Variants in LMO1 observed in about 807,000 individuals in gnomAD.
LMO1 encodes rhombotin-1.
LMO1 carries 10 observed loss-of-function variants against 18.0 expected under a neutral mutation model. The ratio of observed to expected loss-of-function variants is 0.55; its 90% CI spans 0.34 to 0.94. The LOEUF (loss-of-function observed/expected upper bound fraction) is 0.94, where lower values mean the gene tolerates loss of function less well. LMO1 is among the 40% of genes least tolerant of loss of function. LMO1 has a pLI of 0.02. For synonymous variants in LMO1, 77 were observed against 77.9 expected (o/e 0.99, Z 0.06); for missense variants, 183 against 205.7 (o/e 0.89, Z 0.68).
rs1339095792 is a variant in LMO1 at position 8,227,007 on chromosome 11, G to A, written c.333C>T (p.Leu111=). Residue 111 remains leucine, a synonymous_variant, in exon 3 of 4, where the codon CTC becomes CTT. Coordinates refer to ENST00000335790, the MANE Select transcript of LMO1 (RefSeq NM_002315.3). ...VMRARDNVYH[L]DCFACQLCNQ... ...TGCAGAGCTGGCAGGCGAAGCAGTC[G>A]AGGTGATACACGTTGTCCCGGGCCC... 7.4e-6 allele frequency: 12 copies of A among 1,613,592 alleles called. No individual in the cohort carries two copies. The highest frequency in any genetic ancestry group is 6.7e-5 in the East Asian group (3 of 44,886).
chr11:8,249,577 G>T (rs915958808), intron 1 of LMO1, among the ~76,000 whole-genome samples: 2 of 152,196 alleles, frequency 1.3e-5, no homozygotes, highest in Non-Finnish European at 2.9e-5. Context: ...GCATCATGCA[G>T]TATGCCCATG....
chr11:8,242,874 C>G (rs1017830007), intron 1 of LMO1, among the ~76,000 whole-genome samples: 1 of 152,240 alleles, frequency 6.6e-6, no homozygotes, highest in Non-Finnish European at 1.5e-5. Context: ...ACACCATGAG[C>G]ACCAGGGGAT....
intron 1 of LMO1, among the ~76,000 whole-genome samples, chr11:8,251,539 A>G (rs1467719656): frequency 6.6e-6 from 1 of 152,156 alleles, no homozygotes; most frequent in South Asian, 2.1e-4. Flanking sequence ...ATCCCTGCGG[A>G]CTGAGAAGAG....
chr11:8,268,345 G>T, upstream of LMO1: 1 of 1,233,234 alleles, frequency 8.1e-7, no homozygotes, highest in South Asian at 1.6e-5. Flanking sequence ...CTAGCGGGGT[G>T]GACTCCGCAG....
chr11:8,225,625 T>G (rs1404756463), intron 3 of LMO1, among the ~76,000 whole-genome samples: 1 of 152,108 alleles, frequency 6.6e-6, no homozygotes, highest in Non-Finnish European at 1.5e-5. Context: ...GGCCCTTCAT[T>G]GGTCTCCTAG....
intron 1 of LMO1, among the ~76,000 whole-genome samples, chr11:8,249,024 G>A (rs1030034785): frequency 1.3e-5 from 2 of 152,358 alleles, no homozygotes; most frequent in East Asian, 3.9e-4. Context: ...GCAGCCAGGG[G>A]CTCTGGTCTA....
intron 2 of LMO1, among the ~76,000 whole-genome samples, chr11:8,228,338 G>A (rs1202698523): frequency 6.6e-6 from 1 of 152,268 alleles, no homozygotes; most frequent in East Asian, 1.9e-4. Flanking sequence ...GAGGCAAGGA[G>A]GCTGAGAAGA....
intron 1 of LMO1, among the ~76,000 whole-genome samples, chr11:8,261,060 G>C (rs560332487): frequency 1.3e-5 from 2 of 152,310 alleles, no homozygotes; most frequent in South Asian, 4.1e-4. Flanking sequence ...TGGGAGGCCA[G>C]ACTCCTCTTA....
At chr11:8,239,237 G>T (rs1477255642) in intron 1 of LMO1, among the ~76,000 whole-genome samples, 1 of 152,188 alleles carries the variant, frequency 6.6e-6, no homozygotes, top group African/African-American at 2.4e-5. Flanking sequence ...GATGGTGCTG[G>T]GGTGGGGGCT....
chr11:8,231,450 G>A (rs1952660010), intron 1 of LMO1, among the ~76,000 whole-genome samples: 1 of 152,258 alleles, frequency 6.6e-6, no homozygotes, highest in Admixed American at 6.5e-5. Flanking sequence ...GAACCACAGG[G>A]ACCGTTGAGG....
At chr11:8,233,709 CA>C (rs1392383938) in intron 1 of LMO1, among the ~76,000 whole-genome samples, 3 of 151,272 alleles carry the variant, frequency 2.0e-5, no homozygotes, top group South Asian at 4.2e-4. Context: ...CCTAGCCCCC[CA>C]CCCAATCTGC....
intron 1 of LMO1, among the ~76,000 whole-genome samples, chr11:8,248,211 C>A (rs11041823): frequency 6.6e-6 from 1 of 152,182 alleles, no homozygotes; most frequent in Admixed American, 6.5e-5. Context: ...ATGCCGCTGC[C>A]GTCAATTTCA....
chr11:8,224,829 G>C (rs1225720122), intron 3 of LMO1, 108 bp from the exon 4 acceptor site: 2 of 718,458 alleles, frequency 2.8e-6, no homozygotes, highest in Non-Finnish European at 4.9e-6. Context: ...TGTGGGAGGT[G>C]GTGGGGGGAG....
At position 8,227,242 on chromosome 11, in the gene LMO1, C is replaced by G. The variant is rs1314818696; in HGVS notation, c.240-142G>C. The G allele has an allele frequency of 2.9e-6, 4 of 1,358,570 alleles. No homozygotes were observed. The Admixed American group carries it at 9.9e-5, about 34-fold the overall frequency. The allele number at this position is 1,358,570 out of a possible 1,614,324, so 84.2% of individuals were successfully genotyped here. A position where few individuals can be genotyped will look rare whatever the true frequency, so the allele number is the denominator to read the frequency against. On this transcript the variant is annotated intron_variant, in intron 2 of 3. Coordinates refer to ENST00000335790, the MANE Select transcript of LMO1 (RefSeq NM_002315.3). ...GTGGGCTCAGGCAATAGGATAAGAGCACTGAGGGCAGCATCTAGATTCTGC... is the reference window on the plus strand; with the variant it reads ...GTGGGCTCAGGCAATAGGATAAGAGGACTGAGGGCAGCATCTAGATTCTGC...
intron 1 of LMO1, among the ~76,000 whole-genome samples, chr11:8,262,064 G>A (rs556502499): frequency 2.0e-5 from 3 of 152,288 alleles, no homozygotes; most frequent in Non-Finnish European, 2.9e-5. Context: ...GCGGCAATGC[G>A]AACATCCTGT....
intron 3 of LMO1, among the ~76,000 whole-genome samples, chr11:8,225,445 T>C (rs1454649606): frequency 1.6e-5 from 2 of 128,248 alleles, no homozygotes; most frequent in East Asian, 2.2e-4. Context: ...CAGAGATGGG[T>C]AAGGAAGGAG....
intron 1 of LMO1, among the ~76,000 whole-genome samples, chr11:8,252,268 G>T (rs1256585949): frequency 1.3e-5 from 2 of 152,160 alleles, no homozygotes; most frequent in East Asian, 3.9e-4. Flanking sequence ...GCCTCCCAAG[G>T]GTGTTGTGAA....
At chr11:8,248,041 TGACCAG>T (rs57342791) in intron 1 of LMO1, among the ~76,000 whole-genome samples, 2,614 of 152,306 alleles carry the variant, frequency 0.017, 60 homozygotes, top group African/African-American at 0.058. Flanking sequence ...TTAACTTACG[TGACCAG>T]GGCTCAGAAA....
rs1047909940 is a variant in LMO1 at position 8,250,444 on chromosome 11, G to A, written c.25+12894C>T. Among the ~76,000 whole-genome samples, 12 of 152,188 alleles carry A rather than the reference G, an allele frequency of 7.9e-5. No homozygotes were observed. The East Asian group carries it at 1.9e-3, about 24-fold the overall frequency. ...CATGTAGAAGGCATATTTTAGCAGTGATCTGATAAACACTCCGAGGATCAA... is the reference window on the plus strand; with the variant it reads ...CATGTAGAAGGCATATTTTAGCAGTAATCTGATAAACACTCCGAGGATCAA... On this transcript the variant is annotated intron_variant, in intron 1 of 3. Coordinates refer to ENST00000335790, the MANE Select transcript of LMO1 (RefSeq NM_002315.3).
Sources: allele counts gnomAD v4.1 joint callset (sites outside exome capture counted in the v4.1 genomes callset), GRCh38; gene constraint gnomAD v4.1.1; transcripts MANE v1.5; gene names NCBI Gene and HGNC (gene_info 2026-07-23, HGNC 2026-07-21).